Variants in SPTA1 observed in about 807,000 individuals in gnomAD.
SPTA1 encodes the protein spectrin alpha, erythrocytic 1, also known as spectrin alpha chain, erythrocytic 1.
Under a neutral mutation model 324.7 loss-of-function variants are expected in SPTA1, and 177 were observed. That is an observed-to-expected ratio of 0.55 (90% CI 0.48 to 0.62). The LOEUF is 0.62. Ranked by LOEUF, SPTA1 falls within the 20% of genes least tolerant of loss-of-function variation. SPTA1 has a pLI of 0.00. For synonymous variants in SPTA1, 1,195 were observed against 1,041.3 expected, an observed-to-expected ratio of 1.15 and a Z score of -2.84; for missense variants, 3,162 against 2,883.6, an observed-to-expected ratio of 1.10 and a Z score of -2.21.
Position 158,615,394 on chromosome 1 carries a change from T to C in SPTA1, c.6610A>G (p.Lys2204Glu). Reference protein sequence around the residue: ...SQLEANKRKQKEIQAMKRQLT... With the variant: ...SQLEANKRKQEEIQAMKRQLT... The stretch of plus-strand genomic sequence containing the variant: ...TGACGCTTCATCGCCTGGATCTCCT[T>C]CTGTTTTCTCTGGAAAAACGACAGA... The change falls in exon 48 of 52, where the codon AAG becomes GAG. Residue 2204 changes from lysine to glutamate, a missense_variant. Transcript: ENST00000643759. 1 of 1,614,008 alleles carries C rather than the reference T, an allele frequency of 6.2e-7. No homozygotes were observed. The highest frequency in any genetic ancestry group is 8.5e-7 in the Non-Finnish European group (1 of 1,179,974).
At position 158,665,468 on chromosome 1, in the gene SPTA1, C is replaced by A. The variant is rs187684882; in HGVS notation, c.2220+848G>T. 2.6e-5 allele frequency among the ~76,000 whole-genome samples: 4 copies of A among 152,112 alleles called. No individual in the cohort carries two copies. In the East Asian group the frequency reaches 5.8e-4, roughly 22 times the overall value. On this transcript the variant is annotated intron_variant, in intron 16 of 51. Transcript: ENST00000643759. ...ATTAGTGGGATCTTCTAGGGAATGG[C>A]GGAATCATTTTTAAATACAAGCTAG... is the stretch of plus-strand genomic sequence containing the variant.
chr1:158,671,475 A>G, intron 11 of SPTA1, 22 bp from the exon 12 acceptor site: 1 of 1,588,490 alleles, frequency 6.3e-7, no homozygotes, highest in East Asian at 2.2e-5. Flanking sequence ...AGAAAGACAC[A>G]CCTAAGCTGT....
Position 158,666,478 on chromosome 1 carries a change from G to A in SPTA1, c.2058C>T (p.Ala686=). 6.2e-7 allele frequency: 1 copy of A among 1,609,852 alleles called. No individual in the cohort carries two copies. Among genetic ancestry groups the A allele is most frequent in the Non-Finnish European group, 8.5e-7 (1 of 1,179,916 alleles). The change falls in exon 16 of 52, where the codon GCC becomes GCT. Residue 686 remains alanine, a synonymous_variant. Coordinates refer to ENST00000643759, the MANE Select transcript of SPTA1 (RefSeq NM_003126.4). Reference sequence around the variant, plus strand: ...TATTTTCAAATTGCAGCTGCTGGTTGGCCTCATGCAACTGGGTCCCTGGGA... The same window carrying A: ...TATTTTCAAATTGCAGCTGCTGGTTAGCCTCATGCAACTGGGTCCCTGGGA... ...TKQKGTQLHE[A]NQQLQFENNA...
At chr1:158,651,880 GCTCTC>G (rs1340536893) in intron 23 of SPTA1, among the ~76,000 whole-genome samples, 2 of 149,298 alleles carry the variant, frequency 1.3e-5, no homozygotes, top group African/African-American at 5.0e-5. Context: ...TCTAGGGAGT[GCTCTC>G]TCTCTCTCTC....
intron 23 of SPTA1, 31 bp downstream of exon 23, chr1:158,652,436 C>A: frequency 6.2e-7 from 1 of 1,608,382 alleles, no homozygotes; most frequent in Non-Finnish European, 8.5e-7. Flanking sequence ...CAAACAATGG[C>A]AACCTTCAAG....
In SPTA1 at chr1:158,680,583, C is replaced by T. The variant is rs1274970083; in HGVS notation, c.678G>A (p.Glu226=). The T allele has an allele frequency of 6.2e-7, 1 of 1,613,788 alleles. No homozygotes were observed. The highest frequency in any genetic ancestry group is 8.5e-7 in the Non-Finnish European group (1 of 1,179,802). Residue 226 remains glutamate, a splice_region_variant and synonymous_variant, in exon 5 of 52, where the codon GAG becomes GAA. Coordinates refer to ENST00000643759, the MANE Select transcript of SPTA1 (RefSeq NM_003126.4). ...AGTGAATATTTTGCTCCCACCTCACCTCGGCACACTCATTGGCATATTGGT... is the reference window on the plus strand; with the variant it reads ...AGTGAATATTTTGCTCCCACCTCACTTCGGCACACTCATTGGCATATTGGT... ...EVNQYANECA[E]ENHPDLPLIQ...
Position 158,615,421 on chromosome 1 carries a change from A to G in SPTA1, c.6601-18T>C, listed in dbSNP as rs1208582342. 2.5e-6 allele frequency: 4 copies of G among 1,613,676 alleles called. No homozygotes were observed. The highest frequency in any genetic ancestry group is 3.4e-6 in the Non-Finnish European group (4 of 1,179,766). ...TGTTTTCTCTGGAAAAACGACAGAG[A>G]AGAGAGACAATTAGTTGCCCAGGTT... On this transcript the variant is annotated intron_variant, in intron 47 of 51. Coordinates refer to ENST00000643759, the MANE Select transcript of SPTA1 (RefSeq NM_003126.4).
chr1:158,669,286 G>T, intron 14 of SPTA1, 122 bp downstream of exon 14: 1 of 1,348,514 alleles, frequency 7.4e-7, no homozygotes, highest in Non-Finnish European at 1.1e-6. Context: ...CTGAGCCTCT[G>T]TTTTGTCATC....
At chr1:158,629,113 C>A (rs1380522888) in intron 39 of SPTA1, among the ~76,000 whole-genome samples, 3 of 149,042 alleles carry the variant, frequency 2.0e-5, no homozygotes, top group African/African-American at 7.5e-5. Flanking sequence ...GGCGATAATT[C>A]TCTCAATAGA....
chr1:158,645,699 A>AT (rs1001691012), intron 27 of SPTA1, 105 bp from the exon 28 acceptor site: 110 of 1,224,812 alleles, frequency 9.0e-5, no homozygotes, highest in Middle Eastern at 3.8e-4. Flanking sequence ...CCAGAATAAC[A>AT]TTTTTTATCT....
rs915035684 is a variant in SPTA1 at position 158,636,718 on chromosome 1, G to T, written c.5233C>A (p.Leu1745Ile). The T allele has an allele frequency of 3.1e-6, 5 of 1,613,990 alleles. No individual in the cohort carries two copies. The African/African-American group carries it at 6.7e-5, about 22-fold the overall frequency. Residue 1745 changes from leucine (L) to isoleucine (I), a missense_variant, in exon 37 of 52, where the codon CTT becomes ATT. Leu to Ile is a conservative substitution (Grantham distance 5, BLOSUM62 2). Transcript: ENST00000643759. ...RVSSQDYGRD[L>I]QGVQNLLKKH... ...TTCAGCAAGTTCTGAACCCCCTGAA[G>T]ATCTCTCCCATAGTCCTGGGAGCTC...
At chr1:158,673,238 T>G (rs1401338411) in intron 10 of SPTA1, among the ~76,000 whole-genome samples, 1 of 152,166 alleles carries the variant, frequency 6.6e-6, no homozygotes, top group Non-Finnish European at 1.5e-5. Flanking sequence ...AAAAACTATA[T>G]TATAATGTTC....
rs1252178411 is a variant in SPTA1, at chr1:158,672,101, G to A, written c.1446C>T (p.Tyr482=). The change falls in exon 11 of 52, where the codon TAC becomes TAT. Residue 482 remains tyrosine (Y), a synonymous_variant. Transcript: ENST00000643759. ...AACTGTCCACTTGCTCACTGTCTCT[G>A]TAGAAGAGATGAAAGTCCAAGCACT... ...YEQCLDFHLF[Y]RDSEQVDSWM... 2.5e-6 allele frequency: 4 copies of A among 1,613,936 alleles called. No homozygotes were observed. The African/African-American group carries it at 5.3e-5, about 22-fold the overall frequency.
chr1:158,645,738 T>C (rs1468116715), intron 27 of SPTA1, 144 bp from the exon 28 acceptor site: 1 of 848,444 alleles, frequency 1.2e-6, no homozygotes, highest in Non-Finnish European at 1.9e-6. Context: ...GATCTTACGT[T>C]TGCTGTTTTT....
intron 47 of SPTA1, among the ~76,000 whole-genome samples, chr1:158,617,151 A>C (rs574968080): frequency 3.9e-5 from 6 of 152,146 alleles, no homozygotes; most frequent in Non-Finnish European, 8.8e-5. Flanking sequence ...AATAACAGAA[A>C]TTTGCCAGTG....
intron 18 of SPTA1, among the ~76,000 whole-genome samples, chr1:158,658,785 A>T (rs1030426424): frequency 2.0e-5 from 3 of 152,176 alleles, no homozygotes; most frequent in Non-Finnish European, 2.9e-5. Flanking sequence ...AGGAGCAAAG[A>T]TCATGATGAC....
At chr1:158,667,479 G>A (rs1393631128) in intron 15 of SPTA1, among the ~76,000 whole-genome samples, 1 of 152,076 alleles carries the variant, frequency 6.6e-6, no homozygotes, top group Non-Finnish European at 1.5e-5. Context: ...TGTCTAATGA[G>A]TCATAATATC....
chr1:158,658,627 A>C (rs1411155314), intron 18 of SPTA1, among the ~76,000 whole-genome samples: 2 of 152,184 alleles, frequency 1.3e-5, no homozygotes, highest in Admixed American at 1.3e-4. Flanking sequence ...ACCATAACAA[A>C]ACAGATCCAA....
chr1:158,681,626 TA>T lies in SPTA1; in HGVS notation c.431del (p.Leu144Ter). On this transcript the variant is annotated frameshift_variant, in exon 4 of 52. Transcript: ENST00000643759. LOFTEE classifies it high-confidence loss of function. ...GGTCACCCTTCTCCAGGGTCAGCTC[TA>T]ACAGCAGGTCCCACAGGTGGCGTAG... ...EELRHLWDLL[L>X]ELTLEKGDQL... 1 of 1,613,712 alleles carries T rather than the reference TA, an allele frequency of 6.2e-7. No homozygotes were observed. The highest frequency in any genetic ancestry group is 8.5e-7 in the Non-Finnish European group (1 of 1,179,742).
Sources: gnomAD v4.1 joint callset for allele counts (sites outside exome capture counted in the v4.1 genomes callset) on GRCh38, gnomAD v4.1.1 for gene constraint, MANE v1.5 for transcripts, NCBI Gene and HGNC (gene_info 2026-07-23, HGNC 2026-07-21) for gene names.